Variants in AKAP6 observed in about 807,000 individuals in gnomAD.
AKAP6 encodes the protein A-kinase anchor protein 6.
A neutral mutation model predicts 188.5 loss-of-function variants in AKAP6; 58 were observed. That is an observed-to-expected ratio of 0.31 (90% confidence interval 0.25 to 0.38). AKAP6 has a LOEUF of 0.38. Among genes scored for constraint, AKAP6 ranks in the 10% least tolerant of loss-of-function variants. The pLI, the probability that AKAP6 is intolerant of heterozygous loss-of-function variation, is 1.00. For missense variants in AKAP6, 2,710 were observed against 2,740.0 expected, an observed-to-expected ratio of 0.99 and a Z score of 0.24; for synonymous variants, 989 against 998.6, an observed-to-expected ratio of 0.99 and a Z score of 0.18.
chr14:32,728,996 G>A (rs150554693), intron 9 of AKAP6, among the ~76,000 whole-genome samples: 100 of 152,226 alleles, frequency 6.6e-4, no homozygotes, highest in African/African-American at 2.1e-3. Context: ...GAGTCTTATA[G>A]CATTAGCTGT....
At chr14:32,743,925 A>G (rs994741760) in intron 11 of AKAP6, among the ~76,000 whole-genome samples, 4 of 152,158 alleles carry the variant, frequency 2.6e-5, no homozygotes, top group African/African-American at 9.6e-5. Flanking sequence ...TTTTCTTTCT[A>G]ACTGAAGTAT....
intron 2 of AKAP6, among the ~76,000 whole-genome samples, chr14:32,465,670 G>A (rs1463565624): frequency 2.0e-5 from 3 of 152,116 alleles, no homozygotes; most frequent in Non-Finnish European, 4.4e-5. Flanking sequence ...ACATAGGCTT[G>A]GGCAAAGACT....
At chr14:32,369,232 GA>G (rs1887934113) in intron 1 of AKAP6, among the ~76,000 whole-genome samples, 1 of 152,140 alleles carries the variant, frequency 6.6e-6, no homozygotes. Flanking sequence ...ATGGATCTGA[GA>G]AGCTCTTAAA....
At chr14:32,724,079 T>TTCTTC (rs1491310951) in intron 9 of AKAP6, among the ~76,000 whole-genome samples, 3 of 110 alleles carry the variant, frequency 0.027, no homozygotes. Context: ...CTTCTTCTTC[T>TTCTTC]TTTTTTTTCC....
At chr14:32,366,398 G>T (rs1171118753) in intron 1 of AKAP6, among the ~76,000 whole-genome samples, 1 of 152,184 alleles carries the variant, frequency 6.6e-6, no homozygotes, top group Non-Finnish European at 1.5e-5. Context: ...CATCCAGATG[G>T]ATTCCCAGAG....
At chr14:32,617,882 C>A (rs976810805) in intron 7 of AKAP6, among the ~76,000 whole-genome samples, 11 of 152,198 alleles carry the variant, frequency 7.2e-5, no homozygotes, top group Non-Finnish European at 1.6e-4. Flanking sequence ...CTGCCTCAGC[C>A]TCCCAAAATG....
chr14:32,562,242 T>C (rs1374373744), intron 4 of AKAP6, among the ~76,000 whole-genome samples: 1 of 152,144 alleles, frequency 6.6e-6, no homozygotes, highest in Non-Finnish European at 1.5e-5. Context: ...GTGTCATTTA[T>C]AGATGATACT....
intron 9 of AKAP6, among the ~76,000 whole-genome samples, chr14:32,711,139 T>C (rs1337375099): frequency 6.6e-6 from 1 of 152,100 alleles, no homozygotes. Flanking sequence ...TTCTATCTGC[T>C]ATATTGCAGT....
At chr14:32,566,657 CAAA>C (rs1884205009) in intron 4 of AKAP6, among the ~76,000 whole-genome samples, 2 of 151,912 alleles carry the variant, frequency 1.3e-5, no homozygotes, top group South Asian at 4.1e-4. Flanking sequence ...GGAGTTCGAA[CAAA>C]AAAAGGCAAT....
chr14:32,621,997 G>A (rs1466881945), intron 7 of AKAP6, among the ~76,000 whole-genome samples: 1 of 151,978 alleles, frequency 6.6e-6, no homozygotes, highest in African/African-American at 2.4e-5. Context: ...TCTCAATAAG[G>A]CATATATCCT....
At chr14:32,522,818 T>A (rs933137374) in intron 2 of AKAP6, among the ~76,000 whole-genome samples, 1 of 152,156 alleles carries the variant, frequency 6.6e-6, no homozygotes, top group East Asian at 1.9e-4. Context: ...AATACCATTT[T>A]ACCCAGCCAT....
chr14:32,422,535 C>T (rs1305487237), intron 1 of AKAP6, among the ~76,000 whole-genome samples: 3 of 152,124 alleles, frequency 2.0e-5, no homozygotes, highest in Non-Finnish European at 2.9e-5. Flanking sequence ...TGGAATACCA[C>T]CAATTTGGGA....
At chr14:32,517,628 G>C (rs920005644) in intron 2 of AKAP6, among the ~76,000 whole-genome samples, 9 of 152,236 alleles carry the variant, frequency 5.9e-5, no homozygotes, top group African/African-American at 1.9e-4. Flanking sequence ...GAACTGCAAG[G>C]CAGCAGCAAG....
intron 2 of AKAP6, among the ~76,000 whole-genome samples, chr14:32,444,595 T>C (rs187337684): frequency 1.4e-3 from 212 of 152,254 alleles, no homozygotes; most frequent in Admixed American, 2.3e-3. Context: ...AAATATATCA[T>C]TAAATGGAGA....
At chr14:32,684,326 T>C (rs765256184) in intron 8 of AKAP6, among the ~76,000 whole-genome samples, 14 of 152,222 alleles carry the variant, frequency 9.2e-5, no homozygotes, top group Non-Finnish European at 1.9e-4. Flanking sequence ...GCAGAACATT[T>C]TCATTTCAGT....
chr14:32,389,442 T>C (rs2138579147), intron 1 of AKAP6, among the ~76,000 whole-genome samples: 1 of 152,238 alleles, frequency 6.6e-6, no homozygotes, highest in African/African-American at 2.4e-5. Flanking sequence ...TTATAGGTCC[T>C]GTGAGATTTA....
intron 12 of AKAP6, among the ~76,000 whole-genome samples, chr14:32,814,655 T>C (rs2034332533): frequency 6.6e-6 from 1 of 152,216 alleles, no homozygotes; most frequent in South Asian, 2.1e-4. Flanking sequence ...TCCAGATCCC[T>C]TCAACAGTTC....
intron 1 of AKAP6, among the ~76,000 whole-genome samples, chr14:32,352,102 TTTGTGTG>T (rs1566458710): frequency 1.4e-3 from 140 of 96,968 alleles, no homozygotes; most frequent in African/African-American, 5.2e-3. Context: ...TGTGTGTGTG[TTTGTGTG>T]TGTGTGTGTG....
chr14:32,491,485 A>G (rs1045473102), intron 2 of AKAP6, among the ~76,000 whole-genome samples: 9 of 152,214 alleles, frequency 5.9e-5, no homozygotes, highest in Admixed American at 1.3e-4. Context: ...AACCCATAGA[A>G]TGAAATTACA....
Sources: allele counts gnomAD v4.1 joint callset (sites outside exome capture counted in the v4.1 genomes callset), GRCh38; gene constraint gnomAD v4.1.1; transcripts MANE v1.5; gene names NCBI Gene and HGNC (gene_info 2026-07-23, HGNC 2026-07-21).